KIF4A: variants seen among roughly 807,000 people sequenced by gnomAD.
KIF4A encodes the protein chromosome-associated kinesin KIF4A.
Under a neutral mutation model 105.9 loss-of-function variants are expected in KIF4A, and 7 were observed. The ratio of observed to expected loss-of-function variants is 0.07; its 90% CI spans 0.04 to 0.12. The LOEUF is 0.12. Ranked by LOEUF, KIF4A falls within the 10% of genes least tolerant of loss-of-function variation. KIF4A has a pLI of 1.00. For synonymous variants in KIF4A, 281 were observed against 331.3 expected (o/e 0.85, Z 1.65); for missense variants, 558 against 929.2 (o/e 0.60, Z 5.19).
chrX:70,372,878 CATAG>C (rs1469510791), intron 15 of KIF4A, among the ~76,000 whole-genome samples: 2 of 112,585 alleles, frequency 1.8e-5, no homozygotes, highest in African/African-American at 6.4e-5. Context: ...TAATTATTGA[CATAG>C]ATAGGGAAAC....
chrX:70,336,586 A>G (rs1470844633), intron 10 of KIF4A, among the ~76,000 whole-genome samples: 1 of 110,928 alleles, frequency 9.0e-6, no homozygotes, highest in African/African-American at 3.3e-5. Context: ...GTGTTGTTTT[A>G]CTTTGTATTT....
At position 70,302,035 on chromosome X, in the gene KIF4A, A is replaced by G. The variant is rs1420354441; in HGVS notation, c.652A>G (p.Ile218Val). ...GTCCCGATCTCATGCCATCTTTACAATCTCCTTAGAGCAAAGAAAGAAAAG... is the reference window on the plus strand; with the variant it reads ...GTCCCGATCTCATGCCATCTTTACAGTCTCCTTAGAGCAAAGAAAGAAAAG... ...QSSRSHAIFT[I>V]SLEQRKKSDK... Residue 218 changes from isoleucine to valine, a missense_variant, in exon 6 of 31, where the codon ATC (isoleucine) becomes GTC (valine). By Grantham distance (29) the Ile-to-Val change is conservative. Around this residue, in one of 2 missense-constraint regions of KIF4A, gnomAD observed 89 missense variants for 248.8 expected, o/e 0.36. Coordinates refer to ENST00000374403, the MANE Select transcript of KIF4A (RefSeq NM_012310.5). 6.6e-6 allele frequency: 8 copies of G among 1,210,287 alleles called. No homozygotes were observed. The highest frequency in any genetic ancestry group is 1.8e-5 in the South Asian group (1 of 56,824).
chrX:70,308,978 G>A (rs780815050), intron 7 of KIF4A, among the ~76,000 whole-genome samples: 4 of 111,837 alleles, frequency 3.6e-5, no homozygotes, highest in Non-Finnish European at 7.5e-5. Flanking sequence ...AGGATTCCAC[G>A]GTATACAGTC....
intron 20 of KIF4A, among the ~76,000 whole-genome samples, chrX:70,394,573 GA>G (rs1168335439): frequency 8.9e-6 from 1 of 111,933 alleles, no homozygotes; most frequent in Non-Finnish European, 1.9e-5. Context: ...TGTGATTATT[GA>G]TACAGGTAGG....
rs745379864 is a variant in KIF4A, at chrX:70,388,695, T to C, written c.2232+1398T>C. Among the ~76,000 whole-genome samples, 5 of 112,187 alleles carry C rather than the reference T, an allele frequency of 4.5e-5. No individual in the cohort carries two copies. The South Asian group carries it at 1.8e-3, about 41-fold the overall frequency. The stretch of plus-strand genomic sequence containing the variant: ...CTTATTTGCCATATGTATGTTTTCT[T>C]TTGTGAAATATGTGTTCAAATCTGT... On this transcript the variant is annotated intron_variant, in intron 20 of 30. Coordinates refer to ENST00000374403, the MANE Select transcript of KIF4A (RefSeq NM_012310.5).
intron 15 of KIF4A, among the ~76,000 whole-genome samples, chrX:70,367,860 C>T: frequency 8.9e-6 from 1 of 111,876 alleles, no homozygotes; most frequent in Non-Finnish European, 1.9e-5. Flanking sequence ...CAACTTGGTT[C>T]CATTCTCCCC....
intron 22 of KIF4A, among the ~76,000 whole-genome samples, chrX:70,402,216 A>G (rs910910424): frequency 8.9e-6 from 1 of 111,938 alleles, no homozygotes; most frequent in African/African-American, 3.2e-5. Context: ...TGGGTGGACC[A>G]TCATGTCACA....
chrX:70,387,441 C>T, intron 20 of KIF4A, 144 bp downstream of exon 20: 3 of 460,877 alleles, frequency 6.5e-6, no homozygotes, highest in Non-Finnish European at 7.5e-6. Context: ...CTAAAGATAG[C>T]AATGTCTTTG....
chrX:70,308,944 A>G (rs1720419516), intron 7 of KIF4A, among the ~76,000 whole-genome samples: 1 of 112,149 alleles, frequency 8.9e-6, no homozygotes, highest in South Asian at 3.7e-4. Context: ...ATATAAGTCT[A>G]CTTCATTTAA....
intron 13 of KIF4A, among the ~76,000 whole-genome samples, chrX:70,350,881 T>C (rs1242378614): frequency 3.6e-5 from 4 of 112,182 alleles, no homozygotes; most frequent in Non-Finnish European, 7.5e-5. Context: ...ATAATTCTTT[T>C]TTCCCAGGGC....
rs752969840 is a variant in KIF4A at position 70,398,641 on chromosome X, C to G, written c.2489+2592C>G. 4.5e-5 allele frequency among the ~76,000 whole-genome samples: 5 copies of G among 111,886 alleles called. No individual in the cohort carries two copies. In the East Asian group the frequency reaches 1.1e-3, roughly 25 times the overall value. On this transcript the variant is annotated intron_variant, in intron 22 of 30. Transcript: ENST00000374403. Reference sequence around the variant, plus strand: ...TCACTAATCTTCCTTGTTCTCTAAACTCTTTCAGAACTTATGATACTCAAT... The same window carrying G: ...TCACTAATCTTCCTTGTTCTCTAAAGTCTTTCAGAACTTATGATACTCAAT...
intron 24 of KIF4A, 47 bp from the exon 25 acceptor site, chrX:70,404,668 C>A (rs767160260): frequency 1.0e-6 from 1 of 970,354 alleles, no homozygotes; most frequent in Non-Finnish European, 1.4e-6. Context: ...ATTTCTTTTT[C>A]CCCTTGGTAC....
intron 7 of KIF4A, among the ~76,000 whole-genome samples, 168 bp from the exon 8 acceptor site, chrX:70,329,237 C>CT (rs762215122): frequency 5.4e-5 from 6 of 111,895 alleles, no homozygotes; most frequent in Non-Finnish European, 7.5e-5. Flanking sequence ...GACCTTTGTC[C>CT]TTTACTTAAA....
intron 9 of KIF4A, among the ~76,000 whole-genome samples, chrX:70,330,810 T>C (rs190808878): frequency 2.6e-4 from 29 of 112,141 alleles, no homozygotes; most frequent in African/African-American, 8.7e-4. Context: ...GAAACATAGG[T>C]AGCAAAGTAC....
Position 70,341,940 on chromosome X carries a change from C to A in KIF4A, c.1266+9C>A, listed in dbSNP as rs777602111. 1 of 1,199,824 alleles carries A rather than the reference C, an allele frequency of 8.3e-7. No homozygotes were observed. The highest frequency in any genetic ancestry group is 1.8e-5 in the African/African-American group (1 of 56,851). On this transcript the variant is annotated intron_variant, in intron 11 of 30. Transcript: ENST00000374403. ...TGGAGAGGATCATTTTGGTAAGCCC[C>A]CAAGAATAAACTACTAGCAATCTGA...
chrX:70,405,905 G>A lies in KIF4A; in HGVS notation c.2976G>A (p.Gln992=). 1 of 1,201,248 alleles carries A rather than the reference G, an allele frequency of 8.3e-7. No homozygotes were observed. The highest frequency in any genetic ancestry group is 1.1e-6 in the Non-Finnish European group (1 of 886,165). ...TCCGAGAGAATGAAATCATCAAGCA[G>A]GTAATACAGTTTCCCACCCACTTGA... The part of the protein sequence containing the change: ...QLLRENEIIK[Q]KLTLLQVASR... Residue 992 remains glutamine (Q), a splice_region_variant and synonymous_variant, in exon 26 of 31, where the codon CAG becomes CAA. Transcript: ENST00000374403.
chrX:70,323,621 G>A (rs1313409895), intron 7 of KIF4A, among the ~76,000 whole-genome samples: 1 of 110,830 alleles, frequency 9.0e-6, no homozygotes, highest in Non-Finnish European at 1.9e-5. Context: ...ACTTCAAGTT[G>A]AAAGATTTTA....
At position 70,329,430 on chromosome X, in the gene KIF4A, A is replaced by G. The variant is rs1403590442; in HGVS notation, c.804A>G (p.Leu268=). 3 of 1,210,918 alleles carry G rather than the reference A, an allele frequency of 2.5e-6. No homozygotes were observed. The highest frequency in any genetic ancestry group is 1.1e-6 in the Non-Finnish European group (1 of 894,974). The stretch of plus-strand genomic sequence containing the variant: ...GTATTAATATTAACCGAGGCCTCCT[A>G]TGCTTGGGAAATGTAATCAGTGCTC... ...KEGININRGL[L]CLGNVISALG... is the part of the protein sequence containing the mutation. The change falls in exon 8 of 31, where the codon CTA becomes CTG. Residue 268 remains leucine, a synonymous_variant. Transcript: ENST00000374403.
chrX:70,412,901 G>T (rs2086327618), intron 28 of KIF4A, among the ~76,000 whole-genome samples: 1 of 102,104 alleles, frequency 9.8e-6, no homozygotes, highest in Non-Finnish European at 2.0e-5. Context: ...ACTCCAGCCT[G>T]GGTGACAGAG....
Sources: gnomAD v4.1 joint callset for allele counts (sites outside exome capture counted in the v4.1 genomes callset) on GRCh38, gnomAD v4.1.1 for gene constraint, gnomAD v4.1.1 regional missense constraint, MANE v1.5 for transcripts, NCBI Gene and HGNC (gene_info 2026-07-23, HGNC 2026-07-21) for gene names.